The following RALY variants were observed in gnomAD, a reference collection of about 807,000 sequenced individuals.
RALY encodes the protein RNA-binding protein Raly.
RALY carries 15 observed loss-of-function variants against 30.7 expected under a neutral mutation model. The observed-to-expected ratio is 0.49, with a 90% CI of 0.33 to 0.75. The LOEUF is 0.75. Ranked by LOEUF, RALY falls within the 30% of genes least tolerant of loss-of-function variation. RALY has a pLI of 0.02. For missense variants in RALY, 339 were observed against 414.3 expected (o/e 0.82, Z 1.58); for synonymous variants, 177 against 170.8 (o/e 1.04, Z -0.28).
At chr20:34,021,859 ATTTT>A (rs1295393732) in intron 1 of RALY, among the ~76,000 whole-genome samples, 1 of 151,484 alleles carries the variant, frequency 6.6e-6, no homozygotes, top group East Asian at 1.9e-4. Flanking sequence ...GTTCTTTTAA[ATTTT>A]TTTATTATTA....
At chr20:34,023,480 C>G (rs1371900615) in intron 1 of RALY, among the ~76,000 whole-genome samples, 1 of 152,086 alleles carries the variant, frequency 6.6e-6, no homozygotes, top group East Asian at 1.9e-4. Context: ...GAGAGAGCAG[C>G]AAACCCAAGT....
At chr20:34,070,336 T>C (rs956829178) in intron 2 of RALY, among the ~76,000 whole-genome samples, 1 of 152,188 alleles carries the variant, frequency 6.6e-6, no homozygotes, top group African/African-American at 2.4e-5. Context: ...CTTGAGGCTT[T>C]TCCTACTGAA....
At chr20:34,076,200 C>T in intron 6 of RALY, 160 bp downstream of exon 6, 3 of 963,974 alleles carry the variant, frequency 3.1e-6, no homozygotes, top group Non-Finnish European at 4.5e-6. Flanking sequence ...TAAGAGGAAA[C>T]AGCTGATGTT....
At chr20:34,043,725 A>T (rs951662323) in intron 2 of RALY, among the ~76,000 whole-genome samples, 6 of 152,166 alleles carry the variant, frequency 3.9e-5, no homozygotes, top group African/African-American at 1.4e-4. Context: ...GTTAGGAAGG[A>T]TTCTTTGTTG....
chr20:34,077,024 CA>C lies in RALY; in HGVS notation c.659-2del. 6.2e-7 allele frequency: 1 copy of C among 1,609,974 alleles called. No individual in the cohort carries two copies. Among genetic ancestry groups the C allele is most frequent in the East Asian group, 2.2e-5 (1 of 44,714 alleles). ...TCTCCCCTCCTCCACCCCTTCCCCT[CA>C]AGATGGCAAGAAGAAGGGTGATGGA... On this transcript the variant is annotated splice_region_variant and splice_polypyrimidine_tract_variant and intron_variant, in intron 7 of 9. Coordinates refer to ENST00000246194, the MANE Select transcript of RALY (RefSeq NM_016732.3).
intron 2 of RALY, among the ~76,000 whole-genome samples, chr20:34,066,143 G>A (rs1156322353): frequency 6.7e-6 from 1 of 148,864 alleles, no homozygotes; most frequent in East Asian, 2.0e-4. Context: ...TTGACCTTAA[G>A]TAAGTCACTT....
chr20:34,019,514 T>C (rs1349728231), intron 1 of RALY, among the ~76,000 whole-genome samples: 1 of 152,278 alleles, frequency 6.6e-6, no homozygotes, highest in South Asian at 2.1e-4. Flanking sequence ...AAGGATTCTT[T>C]GATGCTGTGG....
Position 34,076,010 on chromosome 20 carries a change from G to A in RALY, c.514G>A (p.Ala172Thr). ...TGTCAAGCTCTTTGCCCGCTCCACAGCTGTCACCACCAGCTCAGCCAAGAT... is the reference window on the plus strand; with the variant it reads ...TGTCAAGCTCTTTGCCCGCTCCACAACTGTCACCACCAGCTCAGCCAAGAT... The part of the protein sequence containing the change: ...VPVKLFARST[A>T]VTTSSAKIKL... The change falls in exon 6 of 10, where the codon GCT becomes ACT. Residue 172 changes from alanine (A) to threonine (T), a missense_variant. By Grantham distance (58) the Ala-to-Thr change is moderately conservative (BLOSUM62 0). Coordinates refer to ENST00000246194, the MANE Select transcript of RALY (RefSeq NM_016732.3). 6.2e-7 allele frequency: 1 copy of A among 1,614,210 alleles called. No homozygotes were observed. The highest frequency in any genetic ancestry group is 8.5e-7 in the Non-Finnish European group (1 of 1,180,020).
chr20:34,052,711 G>A (rs1401010670), intron 2 of RALY, among the ~76,000 whole-genome samples: 1 of 152,190 alleles, frequency 6.6e-6, no homozygotes, highest in East Asian at 1.9e-4. Context: ...CCCTTACCGT[G>A]CAAAGTCGAA....
At chr20:33,995,254 C>T (rs967411456) in intron 1 of RALY, among the ~76,000 whole-genome samples, 2 of 152,158 alleles carry the variant, frequency 1.3e-5, no homozygotes, top group Non-Finnish European at 2.9e-5. Flanking sequence ...GATGCAGACT[C>T]CAGGTCTCAG....
At chr20:34,077,730 T>C (rs575886465) in intron 8 of RALY, 59 of 226,758 alleles carry the variant, frequency 2.6e-4, no homozygotes, top group African/African-American at 1.3e-3. Context: ...AAGGAGCTTA[T>C]GTTGAGTGGG....
rs539442936 is a variant in RALY at position 33,998,277 on chromosome 20, A to G, written c.-93+4146A>G. Among the ~76,000 whole-genome samples the G allele has an allele frequency of 2.6e-5, 4 of 152,302 alleles. No homozygotes were observed. In the South Asian group the frequency reaches 8.3e-4, roughly 32 times the overall value. ...AAATGATGCCTAACCCAGCATTGGA[A>G]GGTCAGGGAAGGCTTTTTAGGAGGA... On this transcript the variant is annotated intron_variant, in intron 1 of 9. Coordinates refer to ENST00000246194, the MANE Select transcript of RALY (RefSeq NM_016732.3).
intron 1 of RALY, among the ~76,000 whole-genome samples, chr20:34,006,034 A>G (rs2031142354): frequency 6.6e-6 from 1 of 152,226 alleles, no homozygotes; most frequent in Non-Finnish European, 1.5e-5. Flanking sequence ...TCAATTATGA[A>G]TAAAGATGCT....
chr20:34,041,624 T>C (rs1462395909), intron 2 of RALY, among the ~76,000 whole-genome samples: 2 of 152,212 alleles, frequency 1.3e-5, no homozygotes, highest in African/African-American at 2.4e-5. Context: ...TAGGGACTTA[T>C]TTCAACCCCT....
chr20:33,994,291 C>T (rs1168282558), intron 1 of RALY, 160 bp downstream of exon 1: 1 of 152,462 alleles, frequency 6.6e-6, no homozygotes, highest in Non-Finnish European at 1.5e-5. Context: ...TAGGCCCCCT[C>T]CGCCGCTCCT....
chr20:34,005,474 G>A (rs866741815), intron 1 of RALY, among the ~76,000 whole-genome samples: 5 of 151,378 alleles, frequency 3.3e-5, no homozygotes, highest in Admixed American at 2.0e-4. Flanking sequence ...GTGCCACTGC[G>A]CTCCAGCCTG....
In RALY at chr20:34,079,889, TTC is replaced by T. The variant is rs906905519; in HGVS notation, c.*5-9_*5-8del. The T allele has an allele frequency of 9.9e-5, 15 of 152,266 alleles. No individual in the cohort carries two copies. Among genetic ancestry groups the T allele is most frequent in the African/African-American group, 2.2e-4 (9 of 41,436 alleles). 9.4% of individuals were successfully genotyped at this position (152,266 alleles called of 1,614,324 possible). On this transcript the variant is annotated intron_variant, in intron 9 of 9. Transcript: ENST00000246194. ...CTTCCTCTCAGCCTTAGTCTCTTCT[TTC>T]TCTCTCTCTCTTTCTCAGCCTGACA...
chr20:34,074,340 T>C (rs2033814059), intron 5 of RALY, among the ~76,000 whole-genome samples: 1 of 152,146 alleles, frequency 6.6e-6, no homozygotes, highest in Non-Finnish European at 1.5e-5. Flanking sequence ...GGCTGTGGTC[T>C]ACCCTGCACT....
chr20:34,059,359 T>C (rs1286844466), intron 2 of RALY, among the ~76,000 whole-genome samples: 1 of 152,202 alleles, frequency 6.6e-6, no homozygotes, highest in East Asian at 1.9e-4. Context: ...CATCCAGCCC[T>C]TGCTTCCAGC....
Sources: gnomAD v4.1 joint callset for allele counts (sites outside exome capture counted in the v4.1 genomes callset) on GRCh38, gnomAD v4.1.1 for gene constraint, MANE v1.5 for transcripts, NCBI Gene and HGNC (gene_info 2026-07-23, HGNC 2026-07-21) for gene names.